TSN: variants seen among roughly 807,000 people sequenced by gnomAD.
TSN encodes translin.
Under a neutral mutation model 29.4 loss-of-function variants are expected in TSN, and 5 were observed. The ratio of observed to expected loss-of-function variants is 0.17; its 90% CI spans 0.09 to 0.36. The LOEUF (loss-of-function observed/expected upper bound fraction) is 0.36, where lower values mean the gene tolerates loss of function less well. TSN is among the 10% of genes least tolerant of loss of function. The pLI is 1.00. For synonymous variants in TSN, 106 were observed against 102.2 expected (o/e 1.04, Z -0.23); for missense variants, 159 against 272.8 (o/e 0.58, Z 2.94).
chr2:121,755,875 G>A (rs771598052), intron 1 of TSN, 30 bp downstream of exon 1: 1 of 1,613,332 alleles, frequency 6.2e-7, no homozygotes, highest in Non-Finnish European at 8.5e-7. Flanking sequence ...CATTCCCTTT[G>A]CCTTTCCATG....
chr2:121,761,016 C>G (rs919640796), intron 3 of TSN, among the ~76,000 whole-genome samples: 1 of 151,852 alleles, frequency 6.6e-6, no homozygotes, highest in Non-Finnish European at 1.5e-5. Flanking sequence ...ACTATGGGCG[C>G]CTGCCACCAC....
intron 1 of TSN, 190 bp downstream of exon 1, chr2:121,756,035 G>T: frequency 8.1e-7 from 1 of 1,227,250 alleles, no homozygotes; most frequent in Non-Finnish European, 1.1e-6. Context: ...GATTCCCCGT[G>T]TTCGAGTCTC....
chr2:121,759,211 C>G (rs1003642841), intron 3 of TSN, among the ~76,000 whole-genome samples: 2 of 152,088 alleles, frequency 1.3e-5, no homozygotes, highest in African/African-American at 2.4e-5. Context: ...ATGTAATTAG[C>G]TAATATTTTA....
chr2:121,756,635 C>T, intron 1 of TSN: 2 of 1,295,824 alleles, frequency 1.5e-6, no homozygotes, highest in Non-Finnish European at 2.0e-6. Context: ...CGGGGAGCGG[C>T]GCCTCATGCC....
rs199897937 is a variant in TSN at position 121,755,870 on chromosome 2, C to T, written c.66+25C>T. ...GGCGAGCCCCCTCCCTTCCCCATTC[C>T]CTTTGCCTTTCCATGCCTAGTTGGG... On this transcript the variant is annotated intron_variant, in intron 1 of 5. Transcript: ENST00000389682. The T allele has an allele frequency of 1.5e-5, 25 of 1,613,822 alleles. No individual in the cohort carries two copies. The East Asian group carries it at 2.9e-4, about 19-fold the overall frequency.
chr2:121,758,787 C>T lies in TSN; in HGVS notation c.238C>T (p.Pro80Ser). The T allele has an allele frequency of 6.3e-7, 1 of 1,588,252 alleles. No individual in the cohort carries two copies. Among genetic ancestry groups the T allele is most frequent in the Non-Finnish European group, 8.6e-7 (1 of 1,169,512 alleles). The stretch of plus-strand genomic sequence containing the variant: ...TCTAACATCTTTGAAGACCAAATTT[C>T]CTGCTGAACAGTATTACAGGTTTGT... ...THLTSLKTKF[P>S]AEQYYRFHEH... is the part of the protein sequence containing the mutation. The change falls in exon 3 of 6, where the codon CCT becomes TCT. Residue 80 changes from proline (P) to serine (S), a missense_variant. Transcript: ENST00000389682.
intron 1 of TSN, 80 bp downstream of exon 1, chr2:121,755,925 A>T: frequency 6.3e-7 from 1 of 1,596,602 alleles, no homozygotes; most frequent in Non-Finnish European, 8.5e-7. Flanking sequence ...TCTGTCGCTC[A>T]GTCTCGGGCG....
chr2:121,763,872 T>C (rs1333971972), intron 5 of TSN, among the ~76,000 whole-genome samples: 1 of 152,182 alleles, frequency 6.6e-6, no homozygotes, highest in African/African-American at 2.4e-5. Context: ...ACTATCTGGC[T>C]CGTTAAGAAA....
chr2:121,766,703 A>G lies in TSN; in HGVS notation c.*1336A>G, dbSNP rs2074907451. ...GTGACTTAATCCGTAGTTATTTTGC[A>G]CCCACTGAAAGGAAAGTGCTTTCCA... On this transcript the variant is annotated 3_prime_UTR_variant, in exon 6 of 6. Transcript: ENST00000389682. The G allele has an allele frequency of 6.6e-6, 1 of 152,210 alleles. No individual in the cohort carries two copies. Among genetic ancestry groups the G allele is most frequent in the Non-Finnish European group, 1.5e-5 (1 of 68,032 alleles). 9.4% of individuals were successfully genotyped at this position (152,210 alleles called of 1,614,324 possible).
rs990601410 is a variant in TSN, at chr2:121,766,152, T to C, written c.*785T>C. 2 of 152,276 alleles carry C rather than the reference T, an allele frequency of 1.3e-5. No individual in the cohort carries two copies. The highest frequency in any genetic ancestry group is 4.8e-5 in the African/African-American group (2 of 41,466). The allele number at this position is 152,276 out of a possible 1,614,324, so 9.4% of individuals were successfully genotyped here. ...TTTGGAACTAACACGTGATGTGATA[T>C]ATTCCTAAACTATGAAACCTTTTTC... On this transcript the variant is annotated 3_prime_UTR_variant, in exon 6 of 6. Transcript: ENST00000389682.
chr2:121,763,151 T>C, intron 5 of TSN, 67 bp downstream of exon 5: 2 of 1,333,514 alleles, frequency 1.5e-6, no homozygotes, highest in Non-Finnish European at 2.0e-6. Context: ...TTTTTTTTTT[T>C]TTTTTTTTTG....
chr2:121,758,514 G>A (rs947593001), intron 2 of TSN, among the ~76,000 whole-genome samples, 196 bp from the exon 3 acceptor site: 5 of 152,146 alleles, frequency 3.3e-5, no homozygotes, highest in African/African-American at 1.2e-4. Context: ...TTAGCAAGTT[G>A]TTTATTTTTC....
Position 121,767,521 on chromosome 2 carries a change from G to A in TSN, c.*2154G>A, listed in dbSNP as rs2074918046. Reference sequence around the variant, plus strand: ...TAACTGAAGATGTTGAGAAACCTGGGCTCTGGTTTTAGTATACCGGAATTA... The same window carrying A: ...TAACTGAAGATGTTGAGAAACCTGGACTCTGGTTTTAGTATACCGGAATTA... On this transcript the variant is annotated 3_prime_UTR_variant, in exon 6 of 6. Transcript: ENST00000389682. The A allele has an allele frequency of 6.6e-6, 1 of 151,998 alleles. No homozygotes were observed. The highest frequency in any genetic ancestry group is 6.6e-5 in the Admixed American group (1 of 15,240). The allele number at this position is 151,998 out of a possible 1,614,324, so 9.4% of individuals were successfully genotyped here.
In TSN at chr2:121,763,054, C is replaced by G; in HGVS notation, c.423C>G (p.Leu141=). ...KGFHLDVEDY[L]SGVLILASEL... is the part of the protein sequence containing the mutation. ...TTCATCTGGATGTAGAAGATTATCT[C>G]TCAGGAGTTCTAATTCTTGCCAGTG... Residue 141 remains leucine (L), a synonymous_variant, in exon 5 of 6, where the codon CTC becomes CTG. Coordinates refer to ENST00000389682, the MANE Select transcript of TSN (RefSeq NM_004622.3). The G allele has an allele frequency of 6.2e-7, 1 of 1,610,144 alleles. No homozygotes were observed. Among genetic ancestry groups the G allele is most frequent in the Non-Finnish European group, 8.5e-7 (1 of 1,178,826 alleles).
Position 121,755,668 on chromosome 2 carries a change from G to C in TSN, c.-112G>C. 2.1e-6 allele frequency: 3 copies of C among 1,420,006 alleles called. No homozygotes were observed. The highest frequency in any genetic ancestry group is 1.8e-5 in the Admixed American group (1 of 55,802). 88.0% of individuals were successfully genotyped at this position (1,420,006 alleles called of 1,614,324 possible). On this transcript the variant is annotated 5_prime_UTR_variant, in exon 1 of 6. Transcript: ENST00000389682. ...CTAGCGACGGTCGTGGCGTAAGACC[G>C]GGGGGACGCGGCGGTAGCGGCGGCC...
At chr2:121,763,527 C>T (rs142068628) in intron 5 of TSN, among the ~76,000 whole-genome samples, 17 of 152,306 alleles carry the variant, frequency 1.1e-4, no homozygotes, top group Non-Finnish European at 2.2e-4. Flanking sequence ...CAGGTAGTCA[C>T]TGACTGGCAC....
chr2:121,764,924 A>G (rs947489363), intron 5 of TSN, among the ~76,000 whole-genome samples: 1 of 152,190 alleles, frequency 6.6e-6, no homozygotes, highest in African/African-American at 2.4e-5. Context: ...AGATGTTAGT[A>G]ATGTTAAATT....
chr2:121,759,576 C>G (rs2074793819), intron 3 of TSN, among the ~76,000 whole-genome samples: 1 of 151,904 alleles, frequency 6.6e-6, no homozygotes, highest in Admixed American at 6.6e-5. Context: ...CCATTGCACT[C>G]CAGCCTGGGC....
chr2:121,755,918 G>GTC, intron 1 of TSN, 73 bp downstream of exon 1: 1 of 1,604,188 alleles, frequency 6.2e-7, no homozygotes, highest in Non-Finnish European at 8.5e-7. Context: ...GCCCTCCTCT[G>GTC]TCGCTCAGTC....
Sources: allele counts gnomAD v4.1 joint callset (sites outside exome capture counted in the v4.1 genomes callset), GRCh38; gene constraint gnomAD v4.1.1; transcripts MANE v1.5; gene names NCBI Gene and HGNC (gene_info 2026-07-23, HGNC 2026-07-21).